The following SAMTOR variants were observed in gnomAD, a reference collection of about 807,000 sequenced individuals.
SAMTOR encodes the protein UPF0532 protein C7orf60.
the SAMTOR span, among the ~76,000 whole-genome samples, chr7:112,856,792 A>G: frequency 6.6e-6 from 1 of 152,176 alleles, no homozygotes; most frequent in Non-Finnish European, 1.5e-5. Flanking sequence ...ATCTCCTAAA[A>G]CAATTCTTTT....
At chr7:112,916,064 A>T in the SAMTOR span, among the ~76,000 whole-genome samples, 1 of 152,230 alleles carries the variant, frequency 6.6e-6, no homozygotes, top group East Asian at 1.9e-4. Context: ...TAGTTTAAAA[A>T]TTTATAATTC....
chr7:112,935,559 C>T, the SAMTOR span, among the ~76,000 whole-genome samples: 1 of 138,162 alleles, frequency 7.2e-6, no homozygotes. Context: ...AAGAATACCT[C>T]TTTTAACAGT....
the SAMTOR span, among the ~76,000 whole-genome samples, chr7:112,872,581 C>T: frequency 6.6e-6 from 1 of 152,050 alleles, no homozygotes; most frequent in Non-Finnish European, 1.5e-5. Context: ...CCACTCTCAT[C>T]ACTCCTATTC....
At chr7:112,839,321 C>G in the SAMTOR span, among the ~76,000 whole-genome samples, 9 of 151,750 alleles carry the variant, frequency 5.9e-5, no homozygotes, top group Admixed American at 2.0e-4. Flanking sequence ...GAATGCCAAC[C>G]AATATATTTG....
At chr7:112,883,825 C>T in the SAMTOR span, among the ~76,000 whole-genome samples, 5 of 152,162 alleles carry the variant, frequency 3.3e-5, no homozygotes, top group Non-Finnish European at 5.9e-5. Flanking sequence ...TTTACAAATT[C>T]GCTTTTCCTT....
chr7:112,845,127 C>T, the SAMTOR span, among the ~76,000 whole-genome samples: 2 of 152,064 alleles, frequency 1.3e-5, no homozygotes, highest in Admixed American at 6.6e-5. Flanking sequence ...AAACTTAAAA[C>T]GATAAAAACT....
chr7:112,916,020 T>C, the SAMTOR span, among the ~76,000 whole-genome samples: 63 of 152,338 alleles, frequency 4.1e-4, no homozygotes, highest in East Asian at 0.01. Flanking sequence ...TAAATATTTC[T>C]ATTTACACAC....
the SAMTOR span, among the ~76,000 whole-genome samples, chr7:112,921,966 T>TCCCG: frequency 9.5e-5 from 12 of 125,962 alleles, no homozygotes; most frequent in African/African-American, 3.7e-4. Flanking sequence ...TCCCTCTCCC[T>TCCCG]CTCCCGCTCC....
At chr7:112,911,075 C>T in the SAMTOR span, among the ~76,000 whole-genome samples, 1 of 152,040 alleles carries the variant, frequency 6.6e-6, no homozygotes, top group African/African-American at 2.4e-5. Flanking sequence ...AAATACTCTG[C>T]TGGATTAAAG....
the SAMTOR span, among the ~76,000 whole-genome samples, chr7:112,850,587 T>C: frequency 9.2e-5 from 14 of 152,298 alleles, no homozygotes; most frequent in African/African-American, 2.6e-4. Flanking sequence ...CTATTAGTTA[T>C]TGTTCTGTTG....
the SAMTOR span, chr7:112,915,328 C>T: frequency 1.2e-6 from 2 of 1,612,488 alleles, no homozygotes; most frequent in South Asian, 2.2e-5. Context: ...TCAATACGAC[C>T]TTCGCCCTCA....
the SAMTOR span, among the ~76,000 whole-genome samples, chr7:112,884,629 A>G: frequency 6.6e-6 from 1 of 152,358 alleles, no homozygotes; most frequent in South Asian, 2.1e-4. Flanking sequence ...TGCTGCTGCA[A>G]GAGGTAGCCT....
the SAMTOR span, among the ~76,000 whole-genome samples, chr7:112,925,362 G>A: frequency 0.98 from 149,247 of 152,362 alleles, 73,159 homozygotes; most frequent in East Asian, 1. Flanking sequence ...TACATTATAA[G>A]TAAATACATA....
chr7:112,909,870 T>C, the SAMTOR span, among the ~76,000 whole-genome samples: 1 of 150,680 alleles, frequency 6.6e-6, no homozygotes, highest in East Asian at 1.9e-4. Flanking sequence ...TATAACACTA[T>C]ATAATATTAT....
At chr7:112,875,970 C>CT in the SAMTOR span, among the ~76,000 whole-genome samples, 3 of 151,822 alleles carry the variant, frequency 2.0e-5, no homozygotes, top group Non-Finnish European at 4.4e-5. Context: ...GTAGTAGAGA[C>CT]TTTTTTTTGA....
chr7:112,836,395 T>A, the SAMTOR span, among the ~76,000 whole-genome samples: 3 of 152,180 alleles, frequency 2.0e-5, no homozygotes, highest in African/African-American at 7.2e-5. Flanking sequence ...CTTTGTCAGA[T>A]GCATGGTTAT....
chr7:112,878,960 T>C, the SAMTOR span, among the ~76,000 whole-genome samples: 2 of 151,848 alleles, frequency 1.3e-5, no homozygotes, highest in Non-Finnish European at 2.9e-5. Flanking sequence ...AATTTAGAAT[T>C]GATAGTAGGA....
At chr7:112,937,865 T>C in the SAMTOR span, among the ~76,000 whole-genome samples, 2 of 151,212 alleles carry the variant, frequency 1.3e-5, no homozygotes, top group Admixed American at 1.3e-4. Context: ...ATACTCAGGC[T>C]TAAAACATGG....
chr7:112,886,877 T>C, the SAMTOR span, among the ~76,000 whole-genome samples: 1 of 152,126 alleles, frequency 6.6e-6, no homozygotes, highest in South Asian at 2.1e-4. Flanking sequence ...CTTTAAAAGA[T>C]CATACTGGGC....
Sources: gnomAD v4.1 joint callset for allele counts (sites outside exome capture counted in the v4.1 genomes callset) on GRCh38, gnomAD v4.1.1 for gene constraint, MANE v1.5 for transcripts, NCBI Gene and HGNC (gene_info 2026-07-23, HGNC 2026-07-21) for gene names.